The following PCNX1 variants were observed in gnomAD, a reference collection of about 807,000 sequenced individuals.
The protein encoded by PCNX1 is pecanex-like protein 1.
PCNX1 carries 78 observed loss-of-function variants against 242.2 expected under a neutral mutation model. That is an observed-to-expected ratio of 0.32 (90% CI 0.27 to 0.39). PCNX1 has a LOEUF of 0.39. Among genes scored for constraint, PCNX1 ranks in the 10% least tolerant of loss-of-function variants. The pLI is 1.00. For synonymous variants in PCNX1, 1,024 were observed against 1,032.9 expected (o/e 0.99, Z 0.17); for missense variants, 2,581 against 2,856.5 (o/e 0.90, Z 2.20).
chr14:71,038,581 G>A (rs2060614291), intron 19 of PCNX1, among the ~76,000 whole-genome samples: 1 of 152,064 alleles, frequency 6.6e-6, no homozygotes, highest in African/African-American at 2.4e-5. Flanking sequence ...AACAGGTGCT[G>A]GAGAGGATGT....
At chr14:71,069,892 CTT>C (rs1039686384) in intron 26 of PCNX1, among the ~76,000 whole-genome samples, 1 of 152,128 alleles carries the variant, frequency 6.6e-6, no homozygotes, top group African/African-American at 2.4e-5. Flanking sequence ...TTTATTGACT[CTT>C]TGTTTGATGA....
At chr14:71,054,276 C>A (rs887336377) in intron 24 of PCNX1, among the ~76,000 whole-genome samples, 1 of 152,164 alleles carries the variant, frequency 6.6e-6, no homozygotes, top group South Asian at 2.1e-4. Flanking sequence ...GGATCTTTTA[C>A]CCATGCATAA....
chr14:71,111,281 A>G lies in PCNX1; in HGVS notation c.*1346A>G, dbSNP rs1046628445. Reference sequence around the variant, plus strand: ...TTAGATTTAATTTGCAACTCTTAGCATTTTTTAAATCCTTGATAAAATTTT... The same window carrying G: ...TTAGATTTAATTTGCAACTCTTAGCGTTTTTTAAATCCTTGATAAAATTTT... On this transcript the variant is annotated 3_prime_UTR_variant, in exon 36 of 36. Coordinates refer to ENST00000304743, the MANE Select transcript of PCNX1 (RefSeq NM_014982.3). 6.6e-6 allele frequency: 1 copy of G among 152,604 alleles called. No individual in the cohort carries two copies. The highest frequency in any genetic ancestry group is 2.4e-5 in the African/African-American group (1 of 41,442). The allele number at this position is 152,604 out of a possible 1,614,324, so 9.5% of individuals were successfully genotyped here. A position where few individuals can be genotyped will look rare whatever the true frequency, so the allele number is the denominator to read the frequency against.
chr14:70,973,704 A>T (rs1055946343), intron 5 of PCNX1, among the ~76,000 whole-genome samples: 2 of 152,190 alleles, frequency 1.3e-5, no homozygotes, highest in African/African-American at 4.8e-5. Context: ...TCCATAATCA[A>T]TTGATAGGGA....
intron 26 of PCNX1, among the ~76,000 whole-genome samples, chr14:71,066,294 A>G (rs535940136): frequency 1.3e-4 from 20 of 152,270 alleles, no homozygotes; most frequent in African/African-American, 4.3e-4. Context: ...TTCCTTGAGC[A>G]GTGGTTTGTA....
chr14:71,052,097 G>A (rs2061053565), intron 24 of PCNX1, 85 bp downstream of exon 24: 1 of 982,430 alleles, frequency 1.0e-6, no homozygotes, highest in African/African-American at 1.7e-5. Flanking sequence ...AGAATTTATG[G>A]TTCATAATTT....
rs1033173908 is a variant in PCNX1, at chr14:70,988,513, C to A, written c.2312-54C>A. 3.2e-6 allele frequency: 5 copies of A among 1,580,876 alleles called. No individual in the cohort carries two copies. The East Asian group carries it at 1.1e-4, about 36-fold the overall frequency. Reference sequence around the variant, plus strand: ...GTCAAGGGAAAGCCAGGCTCAGCTGCTATTTACATCTCTGACCTAGGCTCT... The same window carrying A: ...GTCAAGGGAAAGCCAGGCTCAGCTGATATTTACATCTCTGACCTAGGCTCT... On this transcript the variant is annotated intron_variant, in intron 6 of 35. Coordinates refer to ENST00000304743, the MANE Select transcript of PCNX1 (RefSeq NM_014982.3).
intron 5 of PCNX1, among the ~76,000 whole-genome samples, chr14:70,973,824 T>TA (rs760541024): frequency 6.6e-6 from 1 of 152,166 alleles, no homozygotes; most frequent in African/African-American, 2.4e-5. Flanking sequence ...CTGCCACTGA[T>TA]AAACTTTTTT....
intron 11 of PCNX1, 48 bp from the exon 12 acceptor site, chr14:71,018,961 A>G: frequency 4.1e-6 from 6 of 1,480,714 alleles, no homozygotes; most frequent in Non-Finnish European, 5.5e-6. Context: ...CATTTGGTTA[A>G]TTTCTTATAC....
At chr14:70,956,667 C>T (rs951488649) in intron 2 of PCNX1, among the ~76,000 whole-genome samples, 3 of 151,860 alleles carry the variant, frequency 2.0e-5, no homozygotes, top group East Asian at 1.9e-4. Flanking sequence ...GTTATGAGTA[C>T]GTGTGTTCAA....
intron 23 of PCNX1, 85 bp from the exon 24 acceptor site, chr14:71,051,798 A>G (rs2061043196): frequency 7.5e-7 from 1 of 1,334,436 alleles, no homozygotes; most frequent in Non-Finnish European, 1.0e-6. Flanking sequence ...GAGGTAATCT[A>G]AATGTGTCTG....
chr14:71,018,817 A>G (rs565930539), intron 11 of PCNX1, among the ~76,000 whole-genome samples, 192 bp from the exon 12 acceptor site: 68 of 152,320 alleles, frequency 4.5e-4, no homozygotes, highest in African/African-American at 1.6e-3. Flanking sequence ...TTATTTGTAT[A>G]TAAGAATTCA....
At chr14:71,079,053 T>C (rs1029251307) in intron 28 of PCNX1, among the ~76,000 whole-genome samples, 17 of 152,126 alleles carry the variant, frequency 1.1e-4, no homozygotes, top group African/African-American at 4.1e-4. Context: ...CCTGTGTCCA[T>C]GTGTTCTCAT....
chr14:71,013,294 T>C, intron 11 of PCNX1, 92 bp downstream of exon 11: 1 of 985,650 alleles, frequency 1.0e-6, no homozygotes, highest in Non-Finnish European at 1.6e-6. Flanking sequence ...TACCTGGTTA[T>C]CATGTTGGGA....
intron 1 of PCNX1, among the ~76,000 whole-genome samples, chr14:70,919,229 T>C (rs918929778): frequency 5.3e-5 from 8 of 152,218 alleles, no homozygotes; most frequent in African/African-American, 1.7e-4. Flanking sequence ...ATCAGTAATA[T>C]TTTGTCCTTG....
intron 8 of PCNX1, among the ~76,000 whole-genome samples, chr14:70,996,933 G>A (rs531605572): frequency 5.3e-4 from 80 of 152,152 alleles, no homozygotes; most frequent in African/African-American, 1.7e-3. Context: ...TATTAAGTAC[G>A]TATGCATATC....
chr14:71,048,224 T>C (rs1180161976), intron 22 of PCNX1, among the ~76,000 whole-genome samples: 4 of 152,090 alleles, frequency 2.6e-5, no homozygotes, highest in Non-Finnish European at 2.9e-5. Context: ...TAGAGAAACA[T>C]TAATAAGTAT....
At chr14:70,929,319 G>C (rs1189459643) in intron 1 of PCNX1, among the ~76,000 whole-genome samples, 1 of 151,248 alleles carries the variant, frequency 6.6e-6, no homozygotes, top group African/African-American at 2.4e-5. Context: ...ATATATATTT[G>C]ATTATTAGGC....
intron 30 of PCNX1, among the ~76,000 whole-genome samples, chr14:71,096,980 A>T (rs1236001074): frequency 6.6e-6 from 1 of 152,156 alleles, no homozygotes; most frequent in Non-Finnish European, 1.5e-5. Context: ...ACAGAGAAGG[A>T]TGTACCTCCC....
Sources: gnomAD v4.1 joint callset for allele counts (sites outside exome capture counted in the v4.1 genomes callset) on GRCh38, gnomAD v4.1.1 for gene constraint, MANE v1.5 for transcripts, NCBI Gene and HGNC (gene_info 2026-07-23, HGNC 2026-07-21) for gene names.